Variants in PDE3A observed in about 807,000 individuals in gnomAD.
The protein encoded by PDE3A is cGMP-inhibited 3',5'-cyclic phosphodiesterase 3A.
PDE3A carries 43 observed loss-of-function variants against 98.3 expected under a neutral mutation model. The ratio of observed to expected loss-of-function variants is 0.44; its 90% CI spans 0.34 to 0.56. The LOEUF (loss-of-function observed/expected upper bound fraction) is 0.56, where lower values mean the gene tolerates loss of function less well. Ranked by LOEUF, PDE3A falls within the 20% of genes least tolerant of loss-of-function variation. The probability of loss-of-function intolerance (pLI) is 0.01; values close to 1 mark genes in which losing one functional copy is unlikely to be tolerated. For synonymous variants in PDE3A, 663 were observed against 567.9 expected (o/e 1.17, Z -2.38); for missense variants, 1,427 against 1,440.7 (o/e 0.99, Z 0.15).
In PDE3A at chr12:20,613,477, T is replaced by C. The variant is rs773405420; in HGVS notation, c.1046T>C (p.Val349Ala). Reference protein sequence around the residue: ...SGTSITVDIAVMGEAHGLITD... With the variant: ...SGTSITVDIAAMGEAHGLITD... ...ACCAGTATTACTGTGGACATCGCCG[T>C]CATGGGCGAGGCCCACGGCCTCATT... Residue 349 changes from valine (V) to alanine (A), a missense_variant, in exon 3 of 16, where the codon GTC becomes GCC. Physicochemically the swap from Val to Ala is moderately conservative, Grantham distance 64. This residue lies in a region of PDE3A where 1,012 missense variants were observed against 886.5 expected (regional missense o/e 1.14). Transcript: ENST00000359062. 1 of 1,614,046 alleles carries C rather than the reference T, an allele frequency of 6.2e-7. No homozygotes were observed. Among genetic ancestry groups the C allele is most frequent in the South Asian group, 1.1e-5 (1 of 91,082 alleles).
intron 1 of PDE3A, among the ~76,000 whole-genome samples, chr12:20,409,376 G>A (rs1944292991): frequency 6.6e-6 from 1 of 151,902 alleles, no homozygotes; most frequent in East Asian, 1.9e-4. Flanking sequence ...TCTCAGATTT[G>A]AATATATTTG....
intron 15 of PDE3A, among the ~76,000 whole-genome samples, chr12:20,664,827 G>A (rs913457773): frequency 2.0e-5 from 3 of 151,998 alleles, no homozygotes; most frequent in African/African-American, 7.3e-5. Context: ...GTCTTTATCA[G>A]CAGTGTGAAA....
At position 20,437,107 on chromosome 12, in the gene PDE3A, T is replaced by C. The variant is rs193030038; in HGVS notation, c.960+66863T>C. On this transcript the variant is annotated intron_variant, in intron 1 of 15. Coordinates refer to ENST00000359062, the MANE Select transcript of PDE3A (RefSeq NM_000921.5). ...TGACGCTATCTGATTCCTTTGAGTA[T>C]TGACTACACATCTGGACTGTGCTAC... Among the ~76,000 whole-genome samples, 255 of 152,048 alleles carry C rather than the reference T, an allele frequency of 1.7e-3. 2 individuals are homozygous for C. Among genetic ancestry groups the C allele is most frequent in the Middle Eastern group, 0.01 (3 of 294 alleles).
In PDE3A at chr12:20,481,764, A is replaced by ATTTTTTTTTTTTTTT. The variant is rs10657239; in HGVS notation, c.961-74888_961-74874dup. Among the ~76,000 whole-genome samples, 36 of 79,594 alleles carry ATTTTTTTTTTTTTTT rather than the reference A, an allele frequency of 4.5e-4. 8 individuals are homozygous for ATTTTTTTTTTTTTTT. The highest frequency in any genetic ancestry group is 1.6e-3 in the African/African-American group (31 of 19,306). 52.2% of individuals were successfully genotyped at this position (79,594 alleles called of 152,430 possible). A position where few individuals can be genotyped will look rare whatever the true frequency, so the allele number is the denominator to read the frequency against. ...TCCATGTAAGTGACTTGGGAAATAG[A>ATTTTTTTTTTTTTTT]TTTTTTTTTTTTTTTTTTTTTTGAG... On this transcript the variant is annotated intron_variant, in intron 1 of 15. Transcript: ENST00000359062.
intron 15 of PDE3A, among the ~76,000 whole-genome samples, chr12:20,658,147 G>A (rs546787071): frequency 1.6e-4 from 25 of 152,310 alleles, no homozygotes; most frequent in African/African-American, 5.3e-4. Context: ...ATGTATTAAT[G>A]TATTTTATTG....
intron 1 of PDE3A, among the ~76,000 whole-genome samples, chr12:20,517,762 G>T (rs780576625): frequency 6.6e-6 from 1 of 152,074 alleles, no homozygotes; most frequent in Admixed American, 6.5e-5. Flanking sequence ...GTCATGTGGG[G>T]CCATTTTCTC....
At chr12:20,388,456 T>C (rs558395629) in intron 1 of PDE3A, among the ~76,000 whole-genome samples, 1 of 152,128 alleles carries the variant, frequency 6.6e-6, no homozygotes, top group African/African-American at 2.4e-5. Context: ...CCAAGGCTTT[T>C]TGGTGTCTTT....
intron 1 of PDE3A, among the ~76,000 whole-genome samples, chr12:20,496,051 C>CT (rs1168613797): frequency 6.6e-6 from 1 of 152,118 alleles, no homozygotes; most frequent in Non-Finnish European, 1.5e-5. Flanking sequence ...CTTTCGTACT[C>CT]TTAATGTCAG....
chr12:20,494,511 T>A (rs1829006186), intron 1 of PDE3A, among the ~76,000 whole-genome samples: 1 of 152,156 alleles, frequency 6.6e-6, no homozygotes, highest in Admixed American at 6.6e-5. Flanking sequence ...GAATAATGTA[T>A]CTCGTGAGTG....
At chr12:20,666,863 A>G (rs1314461743) in intron 15 of PDE3A, among the ~76,000 whole-genome samples, 1 of 152,196 alleles carries the variant, frequency 6.6e-6, no homozygotes. Flanking sequence ...ACTGTTTTCC[A>G]TAGTGGCTAT....
In PDE3A at chr12:20,373,769, G is replaced by A. The variant is rs1174772994; in HGVS notation, c.960+3525G>A. ...ATCATCCATTTTGATCTTAGTTGTC[G>A]AAAGAAGAGTCAAGTTTTTCACCAC... is the stretch of plus-strand genomic sequence containing the variant. On this transcript the variant is annotated intron_variant, in intron 1 of 15. Transcript: ENST00000359062. Among the ~76,000 whole-genome samples the A allele has an allele frequency of 2.6e-5, 4 of 152,086 alleles. No homozygotes were observed. In the East Asian group the frequency reaches 5.8e-4, roughly 22 times the overall value.
In PDE3A at chr12:20,368,894, G is replaced by C. The variant is rs1370541690; in HGVS notation, c.-391G>C. Among the ~76,000 whole-genome samples, 2 of 152,092 alleles carry C rather than the reference G, an allele frequency of 1.3e-5. No individual in the cohort carries two copies. Among genetic ancestry groups the C allele is most frequent in the African/African-American group, 4.8e-5 (2 of 41,534 alleles). On this transcript the variant is annotated 5_prime_UTR_variant, in exon 1 of 16. Transcript: ENST00000359062. ...TCCAGCGTCAGCGGCTCCTGCGCGCGGGATGCATTGGGCAATTTTTGAAAT... is the reference window on the plus strand; with the variant it reads ...TCCAGCGTCAGCGGCTCCTGCGCGCCGGATGCATTGGGCAATTTTTGAAAT...
At chr12:20,493,560 CACAA>C (rs1343665836) in intron 1 of PDE3A, among the ~76,000 whole-genome samples, 2 of 152,140 alleles carry the variant, frequency 1.3e-5, no homozygotes, top group East Asian at 3.8e-4. Context: ...TATACAGACA[CACAA>C]ACACACACAG....
chr12:20,470,965 A>G (rs1440474151), intron 1 of PDE3A, among the ~76,000 whole-genome samples: 1 of 152,060 alleles, frequency 6.6e-6, no homozygotes, highest in African/African-American at 2.4e-5. Context: ...GTGAGGACAC[A>G]GTAAGAAGGT....
chr12:20,578,340 G>A (rs138895788), intron 2 of PDE3A, among the ~76,000 whole-genome samples: 41 of 152,086 alleles, frequency 2.7e-4, no homozygotes, highest in Admixed American at 7.2e-4. Flanking sequence ...GTTCTGTATC[G>A]TCCTCACTCT....
At chr12:20,399,887 T>C (rs1057475466) in intron 1 of PDE3A, among the ~76,000 whole-genome samples, 1 of 152,224 alleles carries the variant, frequency 6.6e-6, no homozygotes, top group African/African-American at 2.4e-5. Flanking sequence ...CTTTAAGCAA[T>C]CATTTGTGTA....
chr12:20,648,927 CTTTT>C lies in PDE3A; in HGVS notation c.2769+49_2769+52del, dbSNP rs71039963. Reference sequence around the variant, plus strand: ...CTGTACCCAGTTTTCTTTTCTTTTTCTTTTTTTTTTTTTTTTGAGACAGAGTCTT... The same window carrying C: ...CTGTACCCAGTTTTCTTTTCTTTTTCTTTTTTTTTTTTGAGACAGAGTCTT... On this transcript the variant is annotated intron_variant, in intron 13 of 15. Coordinates refer to ENST00000359062, the MANE Select transcript of PDE3A (RefSeq NM_000921.5). The C allele has an allele frequency of 3.1e-4, 276 of 902,840 alleles. 36 individuals are homozygous for C. Among genetic ancestry groups the C allele is most frequent in the Middle Eastern group, 7.2e-4 (2 of 2,790 alleles). The allele number at this position is 902,840 out of a possible 1,614,324, so 55.9% of individuals were successfully genotyped here.
intron 4 of PDE3A, among the ~76,000 whole-genome samples, chr12:20,617,231 T>A (rs1448765807): frequency 2.0e-5 from 3 of 152,106 alleles, no homozygotes; most frequent in Non-Finnish European, 4.4e-5. Flanking sequence ...GCCTGGGATA[T>A]AAATAAACCA....
chr12:20,523,582 A>G (rs570053277), intron 1 of PDE3A, among the ~76,000 whole-genome samples: 1 of 152,308 alleles, frequency 6.6e-6, no homozygotes, highest in Admixed American at 6.5e-5. Context: ...CCACTTACAC[A>G]GAGGCATTTC....
Sources: gnomAD v4.1 joint callset for allele counts (sites outside exome capture counted in the v4.1 genomes callset) on GRCh38, gnomAD v4.1.1 for gene constraint, gnomAD v4.1.1 regional missense constraint, MANE v1.5 for transcripts, NCBI Gene and HGNC (gene_info 2026-07-23, HGNC 2026-07-21) for gene names.